Variants in TMEM132C observed in about 807,000 individuals in gnomAD.
TMEM132C encodes protein phosphatase 1, regulatory subunit 152.
A neutral mutation model predicts 61.4 loss-of-function variants in TMEM132C; 29 were observed. That is an observed-to-expected ratio of 0.47 (90% CI 0.35 to 0.64). The LOEUF (loss-of-function observed/expected upper bound fraction) is 0.64, where lower values mean the gene tolerates loss of function less well. TMEM132C is among the 30% of genes least tolerant of loss of function. TMEM132C has a pLI of 0.00. For synonymous variants in TMEM132C, 656 were observed against 633.1 expected (o/e 1.04, Z -0.54); for missense variants, 1,408 against 1,476.9 (o/e 0.95, Z 0.76).
At chr12:128,572,381 T>A (rs1874922795) in intron 3 of TMEM132C, among the ~76,000 whole-genome samples, 1 of 149,816 alleles carries the variant, frequency 6.7e-6, no homozygotes, top group Non-Finnish European at 1.5e-5. Flanking sequence ...TGATCTCTGA[T>A]TAGTCAGACC....
At chr12:128,636,384 G>A (rs1954103748) in intron 4 of TMEM132C, among the ~76,000 whole-genome samples, 1 of 152,038 alleles carries the variant, frequency 6.6e-6, no homozygotes, top group African/African-American at 2.4e-5. Context: ...CTTTATTGAG[G>A]TATAATTGAT....
At chr12:128,656,211 C>T (rs979016154) in intron 4 of TMEM132C, among the ~76,000 whole-genome samples, 5 of 152,102 alleles carry the variant, frequency 3.3e-5, no homozygotes, top group Admixed American at 6.5e-5. Flanking sequence ...CCACCACACC[C>T]GGCTAATTTT....
At chr12:128,269,504 A>C (rs893662557) in intron 1 of TMEM132C, among the ~76,000 whole-genome samples, 2 of 152,148 alleles carry the variant, frequency 1.3e-5, no homozygotes, top group Non-Finnish European at 2.9e-5. Context: ...TTGCACAACA[A>C]GGGAAAGTGC....
intron 1 of TMEM132C, among the ~76,000 whole-genome samples, chr12:128,315,865 G>A (rs1196467169): frequency 6.6e-6 from 1 of 151,860 alleles, no homozygotes; most frequent in African/African-American, 2.4e-5. Context: ...CAAGCCCACG[G>A]GTGACAAGCA....
intron 2 of TMEM132C, among the ~76,000 whole-genome samples, chr12:128,464,346 G>C (rs141601870): frequency 6.6e-6 from 1 of 152,196 alleles, no homozygotes; most frequent in Non-Finnish European, 1.5e-5. Flanking sequence ...CCACATCCTA[G>C]TTGGGGGTGG....
At chr12:128,291,967 C>T (rs1386563725) in intron 1 of TMEM132C, among the ~76,000 whole-genome samples, 2 of 152,150 alleles carry the variant, frequency 1.3e-5, no homozygotes, top group East Asian at 3.9e-4. Flanking sequence ...TTGCACCCTG[C>T]CCCACGGGTG....
At chr12:128,421,031 A>G (rs951791990) in intron 2 of TMEM132C, among the ~76,000 whole-genome samples, 8 of 152,178 alleles carry the variant, frequency 5.3e-5, no homozygotes, top group African/African-American at 1.7e-4. Context: ...TAGAGGTACA[A>G]GTGGTTTTTG....
intron 3 of TMEM132C, among the ~76,000 whole-genome samples, chr12:128,600,683 A>T (rs1382895780): frequency 1.3e-5 from 2 of 152,160 alleles, no homozygotes; most frequent in African/African-American, 4.8e-5. Flanking sequence ...CTTTAGCCAA[A>T]TGGATGGGGC....
At chr12:128,670,505 T>C (rs1593142909) in intron 5 of TMEM132C, among the ~76,000 whole-genome samples, 1 of 152,242 alleles carries the variant, frequency 6.6e-6, no homozygotes, top group African/African-American at 2.4e-5. Flanking sequence ...AGATTCCACA[T>C]GTACGTGAGA....
intron 4 of TMEM132C, among the ~76,000 whole-genome samples, chr12:128,631,220 C>G (rs964165110): frequency 6.6e-6 from 1 of 152,104 alleles, no homozygotes; most frequent in Admixed American, 6.6e-5. Context: ...TACATGCGGT[C>G]ATTGAACACT....
At chr12:128,645,921 G>T (rs537139315) in intron 4 of TMEM132C, among the ~76,000 whole-genome samples, 2 of 152,158 alleles carry the variant, frequency 1.3e-5, no homozygotes, top group African/African-American at 2.4e-5. Context: ...GTGTTTACTG[G>T]AGTCCATCAG....
rs188322572 is a variant in TMEM132C at position 128,329,245 on chromosome 12, C to A, written c.85+61758C>A. On this transcript the variant is annotated intron_variant, in intron 1 of 8. Transcript: ENST00000435159. ...CTTCGGATTATTTCGGAGATGAAAA[C>A]CCTAGTATTAGCATAGTTGGATTTT... Among the ~76,000 whole-genome samples, 141 of 152,232 alleles carry A rather than the reference C, an allele frequency of 9.3e-4. 2 individuals carry two copies. The highest frequency in any genetic ancestry group is 3.0e-3 in the African/African-American group (126 of 41,544).
intron 1 of TMEM132C, among the ~76,000 whole-genome samples, chr12:128,286,703 G>T (rs1325938034): frequency 6.6e-6 from 1 of 152,156 alleles, no homozygotes; most frequent in Admixed American, 6.5e-5. Context: ...AAGTGGCTCA[G>T]TTTGGGCACA....
At chr12:128,640,135 A>G (rs1051289292) in intron 4 of TMEM132C, among the ~76,000 whole-genome samples, 2 of 152,014 alleles carry the variant, frequency 1.3e-5, no homozygotes, top group Admixed American at 6.6e-5. Context: ...AGTCCATTTC[A>G]CCTCCTTGCT....
intron 2 of TMEM132C, among the ~76,000 whole-genome samples, chr12:128,497,708 G>A (rs1256196744): frequency 4.6e-5 from 7 of 152,258 alleles, no homozygotes; most frequent in South Asian, 2.1e-4. Context: ...AGAGTGACCC[G>A]ATTTTCCAGG....
rs145002412 is a variant in TMEM132C, at chr12:128,555,818, G to C, written c.1121+11715G>C. ...CAGCCTCGACCTCCTGGGTTCAGGT[G>C]ATCCTCCCATATCAGTCTCTTGAGT... On this transcript the variant is annotated intron_variant, in intron 3 of 8. Coordinates refer to ENST00000435159, the MANE Select transcript of TMEM132C (RefSeq NM_001136103.3). 5.2e-3 allele frequency among the ~76,000 whole-genome samples: 787 copies of C among 151,856 alleles called. 4 individuals carry two copies. Among genetic ancestry groups the C allele is most frequent in the African/African-American group, 0.018 (751 of 41,364 alleles).
intron 2 of TMEM132C, among the ~76,000 whole-genome samples, chr12:128,519,439 C>T (rs1430790163): frequency 6.6e-6 from 1 of 152,190 alleles, no homozygotes; most frequent in East Asian, 1.9e-4. Flanking sequence ...GACATTGTCC[C>T]TATATTTGTC....
chr12:128,289,161 T>TATAC (rs1555250411), intron 1 of TMEM132C: 1 of 152,024 alleles, frequency 6.6e-6, no homozygotes, highest in Non-Finnish European at 1.5e-5. Context: ...TGCACGCTCA[T>TATAC]ACGCATGCAC....
intron 1 of TMEM132C, among the ~76,000 whole-genome samples, chr12:128,314,760 C>T (rs556048288): frequency 1.3e-4 from 20 of 152,258 alleles, no homozygotes; most frequent in South Asian, 4.2e-4. Flanking sequence ...GATGCTCCCT[C>T]GTGGCTTCTA....
Sources: gnomAD v4.1 joint callset for allele counts (sites outside exome capture counted in the v4.1 genomes callset) on GRCh38, gnomAD v4.1.1 for gene constraint, MANE v1.5 for transcripts, NCBI Gene and HGNC (gene_info 2026-07-23, HGNC 2026-07-21) for gene names.